CEP104: variants seen among roughly 807,000 people sequenced by gnomAD.
CEP104 encodes the protein centrosomal protein of 104 kDa.
In CEP104, 84 loss-of-function variants were observed where a neutral mutation model predicts 113.3. The observed-to-expected ratio is 0.74, with a 90% CI of 0.62 to 0.89. The LOEUF (loss-of-function observed/expected upper bound fraction) is 0.89. CEP104 is among the 40% of genes least tolerant of loss of function. The probability of loss-of-function intolerance (pLI) is 0.00; values close to 1 mark genes in which losing one functional copy is unlikely to be tolerated. For synonymous variants in CEP104, 378 were observed against 421.7 expected (o/e 0.90, Z 1.27); for missense variants, 1,053 against 1,156.6 (o/e 0.91, Z 1.30).
chr1:3,847,070 T>A (rs1346884056), intron 4 of CEP104, among the ~76,000 whole-genome samples: 1 of 152,258 alleles, frequency 6.6e-6, no homozygotes. Flanking sequence ...GCCACATATG[T>A]CATTAAGGTT....
At chr1:3,827,157 G>C (rs939362138) in intron 15 of CEP104, among the ~76,000 whole-genome samples, 1 of 152,166 alleles carries the variant, frequency 6.6e-6, no homozygotes, top group Non-Finnish European at 1.5e-5. Flanking sequence ...GAAAACACAT[G>C]CAGAAGTGCA....
At chr1:3,834,402 G>A (rs1570804526) in intron 11 of CEP104, among the ~76,000 whole-genome samples, 2 of 150,398 alleles carry the variant, frequency 1.3e-5, no homozygotes, top group African/African-American at 4.9e-5. Context: ...GCTTCAATGG[G>A]TAAGCCCAAA....
intron 13 of CEP104, among the ~76,000 whole-genome samples, chr1:3,830,463 C>T (rs1462703966): frequency 3.3e-5 from 5 of 152,312 alleles, no homozygotes; most frequent in African/African-American, 1.2e-4. Context: ...TATTCTCCAT[C>T]ACACTGCTGT....
intron 20 of CEP104, chr1:3,822,889 C>G (rs1398894367): frequency 5.4e-6 from 2 of 371,774 alleles, no homozygotes; most frequent in Non-Finnish European, 9.8e-6. Context: ...ATGACCAGAA[C>G]AAAATAAAAC....
intron 11 of CEP104, 22 bp downstream of exon 11, chr1:3,834,903 A>G: frequency 6.4e-7 from 1 of 1,561,490 alleles, no homozygotes; most frequent in South Asian, 1.2e-5. Flanking sequence ...CGCTGGAGCC[A>G]GCGCCAGCTG....
chr1:3,832,961 G>T (rs1170136956), intron 12 of CEP104, among the ~76,000 whole-genome samples: 1 of 151,068 alleles, frequency 6.6e-6, no homozygotes, highest in African/African-American at 2.4e-5. Context: ...GATTATGGGC[G>T]TGAGCCACCC....
chr1:3,821,858 G>C (rs1223786249), intron 20 of CEP104, among the ~76,000 whole-genome samples: 3 of 152,226 alleles, frequency 2.0e-5, no homozygotes, highest in African/African-American at 4.8e-5. Context: ...AAGAACGAGA[G>C]AATGAACCTG....
chr1:3,828,485 C>T (rs1043108239), intron 15 of CEP104, among the ~76,000 whole-genome samples: 4 of 152,126 alleles, frequency 2.6e-5, no homozygotes, highest in African/African-American at 9.7e-5. Context: ...GATCTTTTTT[C>T]CCCATTCGTA....
intron 12 of CEP104, among the ~76,000 whole-genome samples, chr1:3,832,506 T>A (rs74653323): frequency 5.4e-5 from 4 of 73,530 alleles, no homozygotes; most frequent in Non-Finnish European, 1.4e-4. Flanking sequence ...AGGAGTGTAG[T>A]GTAGGTCGTG....
chr1:3,836,913 AC>A (rs2124672786), intron 9 of CEP104: 1 of 545,998 alleles, frequency 1.8e-6, no homozygotes, highest in African/African-American at 1.9e-5. Context: ...CTCATTACAG[AC>A]CTAATAAAAA....
intron 4 of CEP104, among the ~76,000 whole-genome samples, chr1:3,845,711 C>T (rs1557688401): frequency 6.6e-6 from 1 of 152,036 alleles, no homozygotes; most frequent in Non-Finnish European, 1.5e-5. Flanking sequence ...AAATGTTATG[C>T]CAATATAAAT....
At chr1:3,826,236 T>C (rs2124648631) in intron 17 of CEP104, 134 bp downstream of exon 17, 2 of 728,790 alleles carry the variant, frequency 2.7e-6, no homozygotes, top group Non-Finnish European at 4.8e-6. Context: ...TGCTGGTTAG[T>C]GCAGAAGGCA....
chr1:3,837,493 G>A lies in CEP104; in HGVS notation c.918C>T (p.Leu306=). 1 of 1,614,228 alleles carries A rather than the reference G, an allele frequency of 6.2e-7. No individual in the cohort carries two copies. The highest frequency in any genetic ancestry group is 8.5e-7 in the Non-Finnish European group (1 of 1,180,036). Reference sequence around the variant, plus strand: ...GACTGCCAGAACGAGCGAGGGGCTGGAGGGGCAAATCAAAAGGTCTTCGCA... The same window carrying A: ...GACTGCCAGAACGAGCGAGGGGCTGAAGGGGCAAATCAAAAGGTCTTCGCA... ...ELMRRPFDLP[L]QPLARSGSPC... Residue 306 remains leucine, a synonymous_variant, in exon 9 of 22, where the codon CTC becomes CTT. Coordinates refer to ENST00000378230, the MANE Select transcript of CEP104 (RefSeq NM_014704.4).
chr1:3,835,403 T>C (rs193103180), intron 10 of CEP104, among the ~76,000 whole-genome samples: 16 of 152,280 alleles, frequency 1.1e-4, no homozygotes, highest in African/African-American at 1.7e-4. Flanking sequence ...TGAGACAAAC[T>C]CTCACTCTGT....
chr1:3,839,844 G>A (rs1270163282), intron 6 of CEP104, 68 bp from the exon 7 acceptor site: 26 of 1,303,540 alleles, frequency 2.0e-5, no homozygotes, highest in Non-Finnish European at 2.7e-5. Context: ...GAAGATGCAC[G>A]GTTGAGAAGA....
At chr1:3,842,316 G>A (rs1038149854) in intron 6 of CEP104, among the ~76,000 whole-genome samples, 4 of 152,190 alleles carry the variant, frequency 2.6e-5, no homozygotes, top group African/African-American at 7.2e-5. Flanking sequence ...TCCTGACCTC[G>A]TGATCCGCCC....
At position 3,815,408 on chromosome 1, in the gene CEP104, C is replaced by T. The variant is rs767581799; in HGVS notation, c.2772G>A (p.Lys924=). The change falls in exon 22 of 22, where the codon AAG becomes AAA. Residue 924 remains lysine, a synonymous_variant. Transcript: ENST00000378230. The part of the protein sequence containing the change: ...LSKSSSRTYA[K]R ...AAGGAGCCCGAGCGCCGCGTCAGCG[C>T]TTGGCGTACGTCCTGCTGGAGCTCT... The T allele has an allele frequency of 6.2e-7, 1 of 1,610,814 alleles. No homozygotes were observed. Among genetic ancestry groups the T allele is most frequent in the Non-Finnish European group, 8.5e-7 (1 of 1,179,080 alleles).
At chr1:3,847,975 T>C (rs1570845411) in intron 3 of CEP104, among the ~76,000 whole-genome samples, 1 of 152,092 alleles carries the variant, frequency 6.6e-6, no homozygotes, top group Non-Finnish European at 1.5e-5. Flanking sequence ...GCTGGGATTA[T>C]AGACGCTCAC....
chr1:3,834,705 T>C (rs1644276984), intron 11 of CEP104, among the ~76,000 whole-genome samples: 1 of 152,172 alleles, frequency 6.6e-6, no homozygotes, highest in South Asian at 2.1e-4. Context: ...CCAGAGACAA[T>C]GACCCAAGCA....
Sources: gnomAD v4.1 joint callset for allele counts (sites outside exome capture counted in the v4.1 genomes callset) on GRCh38, gnomAD v4.1.1 for gene constraint, MANE v1.5 for transcripts, NCBI Gene and HGNC (gene_info 2026-07-23, HGNC 2026-07-21) for gene names.